KDM4B: variants seen among roughly 807,000 people sequenced by gnomAD.
The protein encoded by KDM4B is lysine-specific demethylase 4B.
A neutral mutation model predicts 125.2 loss-of-function variants in KDM4B; 32 were observed. The ratio of observed to expected loss-of-function variants is 0.26; its 90% CI spans 0.19 to 0.34. The LOEUF is 0.34. Among genes scored for constraint, KDM4B ranks in the 10% least tolerant of loss-of-function variants. The pLI, the probability that KDM4B is intolerant of heterozygous loss-of-function variation, is 1.00. For synonymous variants in KDM4B, 721 were observed against 677.9 expected, an observed-to-expected ratio of 1.06 and a Z score of -0.99; for missense variants, 1,190 against 1,577.7, an observed-to-expected ratio of 0.75 and a Z score of 4.16.
At chr19:4,979,900 T>G (rs1466170826) in intron 1 of KDM4B, among the ~76,000 whole-genome samples, 1 of 152,086 alleles carries the variant, frequency 6.6e-6, no homozygotes. Flanking sequence ...GTCAGGAGTT[T>G]GAGACCAGCC....
In KDM4B at chr19:4,984,942, G is replaced by T. The variant is rs561695694; in HGVS notation, c.-109+15712G>T. ...CCAAAGGGAGGGCTGCAGCCTTCGG[G>T]ATCTGCTGGGTCACAGTGGGTGTTA... On this transcript the variant is annotated intron_variant, in intron 1 of 22. Transcript: ENST00000159111. 1.5e-4 allele frequency among the ~76,000 whole-genome samples: 23 copies of T among 152,310 alleles called. No homozygotes were observed. In the East Asian group the frequency reaches 4.4e-3, roughly 29 times the overall value.
At chr19:5,006,540 A>G (rs2035565177) in intron 1 of KDM4B, among the ~76,000 whole-genome samples, 1 of 152,290 alleles carries the variant, frequency 6.6e-6, no homozygotes, top group South Asian at 2.1e-4. Context: ...TGGGAGGCCG[A>G]GGCAGGTGGA....
In KDM4B at chr19:5,111,624, C is replaced by T. The variant is rs192788913; in HGVS notation, c.1115+806C>T. 4.7e-4 allele frequency: 328 copies of T among 701,426 alleles called. 2 individuals are homozygous for T. Among genetic ancestry groups the T allele is most frequent in the Non-Finnish European group, 4.9e-4 (189 of 383,566 alleles). 43.5% of individuals were successfully genotyped at this position (701,426 alleles called of 1,614,324 possible). A position where few individuals can be genotyped will look rare whatever the true frequency, so the allele number is the denominator to read the frequency against. On this transcript the variant is annotated intron_variant, in intron 10 of 22. Coordinates refer to ENST00000159111, the MANE Select transcript of KDM4B (RefSeq NM_015015.3). ...TCTGAGCTGCCCTTGGCACAGTTGTCGACAGATCTCACTCCTGTTTGGTGC... is the reference window on the plus strand; with the variant it reads ...TCTGAGCTGCCCTTGGCACAGTTGTTGACAGATCTCACTCCTGTTTGGTGC...
chr19:4,986,764 T>C (rs2034846455), intron 1 of KDM4B, among the ~76,000 whole-genome samples: 1 of 152,028 alleles, frequency 6.6e-6, no homozygotes, highest in Non-Finnish European at 1.5e-5. Flanking sequence ...ACAAGAGTGC[T>C]CCAAAGAAGT....
At chr19:5,032,668 C>T (rs1278508815) in intron 2 of KDM4B, among the ~76,000 whole-genome samples, 198 bp from the exon 3 acceptor site, 1 of 152,210 alleles carries the variant, frequency 6.6e-6, no homozygotes. Context: ...CTGCAGCCCT[C>T]GTGCCTTTTA....
intron 6 of KDM4B, among the ~76,000 whole-genome samples, chr19:5,049,406 C>T (rs1026739486): frequency 2.0e-5 from 3 of 151,922 alleles, no homozygotes; most frequent in Non-Finnish European, 4.4e-5. Flanking sequence ...GGCGGGGCAG[C>T]GTTGAGTAGG....
At chr19:5,104,966 C>T (rs757984941) in intron 9 of KDM4B, among the ~76,000 whole-genome samples, 15 of 152,178 alleles carry the variant, frequency 9.9e-5, no homozygotes, top group Non-Finnish European at 2.1e-4. Context: ...CCATGGGCTC[C>T]GGGAGTTTGG....
At chr19:5,137,441 G>A (rs1431922746) in intron 16 of KDM4B, 103 bp downstream of exon 16, 1 of 1,276,534 alleles carries the variant, frequency 7.8e-7, no homozygotes, top group African/African-American at 1.5e-5. Flanking sequence ...CGTGGGCCTG[G>A]GTTCCTTCAC....
intron 10 of KDM4B, among the ~76,000 whole-genome samples, chr19:5,116,092 G>C (rs1431979497): frequency 6.6e-6 from 1 of 151,960 alleles, no homozygotes; most frequent in East Asian, 1.9e-4. Context: ...AGAGCAAACA[G>C]ATCACATAAA....
chr19:5,001,034 C>T (rs1487682117), intron 1 of KDM4B, among the ~76,000 whole-genome samples: 4 of 151,656 alleles, frequency 2.6e-5, no homozygotes, highest in African/African-American at 9.7e-5. Flanking sequence ...TTAATGTCCC[C>T]TTCTTTTTTT....
chr19:5,080,320 G>C (rs2145862320), intron 8 of KDM4B, among the ~76,000 whole-genome samples: 1 of 152,304 alleles, frequency 6.6e-6, no homozygotes, highest in East Asian at 1.9e-4. Flanking sequence ...AGCAATCTCT[G>C]CTCATCTTTC....
intron 11 of KDM4B, among the ~76,000 whole-genome samples, chr19:5,122,269 C>T (rs2039375082): frequency 6.6e-6 from 1 of 152,196 alleles, no homozygotes; most frequent in Non-Finnish European, 1.5e-5. Flanking sequence ...CTCTTCCGGT[C>T]TCTCTCTGAC....
In KDM4B at chr19:4,986,965, T is replaced by A. The variant is rs1169883265; in HGVS notation, c.-109+17735T>A. Reference sequence around the variant, plus strand: ...TTTTTATTTTTATTTTATTTTATTTTTTTTTTTGTGAGACGGAGTCTTGCT... The same window carrying A: ...TTTTTATTTTTATTTTATTTTATTTATTTTTTTGTGAGACGGAGTCTTGCT... On this transcript the variant is annotated intron_variant, in intron 1 of 22. Transcript: ENST00000159111. Among the ~76,000 whole-genome samples the A allele has an allele frequency of 7.2e-5, 11 of 151,906 alleles. No individual in the cohort carries two copies. In the South Asian group the frequency reaches 1.9e-3, roughly 26 times the overall value.
At chr19:5,138,168 A>C in intron 18 of KDM4B, 98 bp downstream of exon 18, 1 of 866,944 alleles carries the variant, frequency 1.2e-6, no homozygotes, top group Non-Finnish European at 1.8e-6. Flanking sequence ...TCTTTCCTCC[A>C]AGCTCTGCGT....
At chr19:5,128,273 C>A (rs867397244) in intron 11 of KDM4B, among the ~76,000 whole-genome samples, 1 of 152,212 alleles carries the variant, frequency 6.6e-6, no homozygotes, top group African/African-American at 2.4e-5. Flanking sequence ...CTCATGTGTG[C>A]ACTGAGTGGC....
chr19:5,067,313 G>A (rs1283941797), intron 6 of KDM4B, among the ~76,000 whole-genome samples: 1 of 152,192 alleles, frequency 6.6e-6, no homozygotes, highest in Non-Finnish European at 1.5e-5. Context: ...GATTCCAGGA[G>A]TCGCTCTTCC....
chr19:5,079,581 T>C (rs2038224176), intron 8 of KDM4B, among the ~76,000 whole-genome samples: 1 of 152,190 alleles, frequency 6.6e-6, no homozygotes, highest in African/African-American at 2.4e-5. Context: ...CTGAGTCTGA[T>C]GTCTGCCTGA....
chr19:5,100,841 T>C (rs889602771), intron 9 of KDM4B, among the ~76,000 whole-genome samples: 6 of 152,226 alleles, frequency 3.9e-5, no homozygotes, highest in African/African-American at 1.4e-4. Flanking sequence ...ATATTCCTTT[T>C]GTTATAAGCC....
intron 9 of KDM4B, among the ~76,000 whole-genome samples, chr19:5,101,537 A>C (rs918350713): frequency 3.3e-5 from 5 of 151,908 alleles, no homozygotes; most frequent in South Asian, 2.1e-4. Flanking sequence ...TCTGAAAAAA[A>C]AAAACAAAAC....
Sources: allele counts gnomAD v4.1 joint callset (sites outside exome capture counted in the v4.1 genomes callset), GRCh38; gene constraint gnomAD v4.1.1; transcripts MANE v1.5; gene names NCBI Gene and HGNC (gene_info 2026-07-23, HGNC 2026-07-21).